Variants in PDCD6IP observed in about 807,000 individuals in gnomAD.
PDCD6IP encodes programmed cell death 6-interacting protein.
PDCD6IP carries 43 observed loss-of-function variants against 103.7 expected under a neutral mutation model. The observed-to-expected ratio is 0.41, with a 90% CI of 0.32 to 0.53. The LOEUF is 0.53. Ranked by LOEUF, PDCD6IP falls within the 20% of genes least tolerant of loss-of-function variation. The probability of loss-of-function intolerance (pLI) is 0.16; values close to 1 mark genes in which losing one functional copy is unlikely to be tolerated. For synonymous variants in PDCD6IP, 354 were observed against 378.7 expected (o/e 0.93, Z 0.76); for missense variants, 871 against 1,036.7 (o/e 0.84, Z 2.20).
intron 12 of PDCD6IP, among the ~76,000 whole-genome samples, chr3:33,847,816 C>T (rs1407321433): frequency 6.6e-6 from 1 of 152,134 alleles, no homozygotes; most frequent in African/African-American, 2.4e-5. Flanking sequence ...CTATGATGTA[C>T]TGTGGCCTGA....
Position 33,867,418 on chromosome 3 carries a change from T to G in PDCD6IP, c.*893T>G, listed in dbSNP as rs1450468561. On this transcript the variant is annotated 3_prime_UTR_variant, in exon 18 of 18. Transcript: ENST00000307296. ...ATACGCCATTGGCAATACTTCATAA[T>G]GTAATGGAATTGTTTGGGGAACACT... The G allele has an allele frequency of 6.6e-6, 1 of 152,204 alleles. No individual in the cohort carries two copies. The highest frequency in any genetic ancestry group is 1.5e-5 in the Non-Finnish European group (1 of 68,028). The allele number at this position is 152,204 out of a possible 1,614,324, so 9.4% of individuals were successfully genotyped here. A position where few individuals can be genotyped will look rare whatever the true frequency, so the allele number is the denominator to read the frequency against.
intron 12 of PDCD6IP, among the ~76,000 whole-genome samples, chr3:33,851,652 A>G (rs554381503): frequency 2.2e-4 from 34 of 151,384 alleles, no homozygotes; most frequent in East Asian, 9.8e-4. Flanking sequence ...TTTTTTTTCA[A>G]TGTAGAAATG....
intron 8 of PDCD6IP, among the ~76,000 whole-genome samples, chr3:33,836,482 A>C (rs1160933119): frequency 1.3e-5 from 2 of 152,216 alleles, no homozygotes; most frequent in African/African-American, 4.8e-5. Flanking sequence ...TAGTTAGAAG[A>C]CTTGAAACTG....
chr3:33,852,856 A>G, intron 13 of PDCD6IP, 120 bp downstream of exon 13: 1 of 1,201,814 alleles, frequency 8.3e-7, no homozygotes, highest in Non-Finnish European at 1.1e-6. Flanking sequence ...TAAGAGTAGA[A>G]CTTAATACAT....
At position 33,852,747 on chromosome 3, in the gene PDCD6IP, T is replaced by C. The variant is rs780093888; in HGVS notation, c.1890+11T>C. On this transcript the variant is annotated intron_variant, in intron 13 of 17. Coordinates refer to ENST00000307296, the MANE Select transcript of PDCD6IP (RefSeq NM_013374.6). ...CTTAAAAATATTCAGGTGAAATTTA[T>C]ATATTTAATAAGATCTGTGTTTTAA... The C allele has an allele frequency of 6.3e-7, 1 of 1,578,140 alleles. No homozygotes were observed. Among genetic ancestry groups the C allele is most frequent in the South Asian group, 1.2e-5 (1 of 83,838 alleles).
chr3:33,799,932 A>G (rs1398488950), intron 1 of PDCD6IP, among the ~76,000 whole-genome samples: 1 of 151,986 alleles, frequency 6.6e-6, no homozygotes, highest in Non-Finnish European at 1.5e-5. Context: ...CATCCTGGCT[A>G]GCACGGTGAA....
chr3:33,799,856 C>A (rs935852003), intron 1 of PDCD6IP, among the ~76,000 whole-genome samples: 1 of 151,918 alleles, frequency 6.6e-6, no homozygotes, highest in Non-Finnish European at 1.5e-5. Flanking sequence ...CGCGGTGGCT[C>A]ACGCCTGTAA....
chr3:33,866,635 C>CCTG lies in PDCD6IP; in HGVS notation c.*110_*111insCTG. 1.2e-6 allele frequency: 1 copy of CCTG among 806,214 alleles called. No homozygotes were observed. 49.9% of individuals were successfully genotyped at this position (806,214 alleles called of 1,614,324 possible). On this transcript the variant is annotated 3_prime_UTR_variant, in exon 18 of 18. Coordinates refer to ENST00000307296, the MANE Select transcript of PDCD6IP (RefSeq NM_013374.6). ...GGTTAATGTAATGTACTCTCCTGGA[C>CCTG]TGAATGCAGTGTATAATTTCTGTCT...
chr3:33,799,105 C>G (rs1696407531), intron 1 of PDCD6IP, 168 bp downstream of exon 1: 1 of 663,398 alleles, frequency 1.5e-6, no homozygotes, highest in African/African-American at 1.8e-5. Flanking sequence ...GCAGGACCCG[C>G]CCTGCAGGCC....
chr3:33,841,206 T>G (rs1005242794), intron 9 of PDCD6IP, among the ~76,000 whole-genome samples: 2 of 151,714 alleles, frequency 1.3e-5, no homozygotes, highest in African/African-American at 2.4e-5. Context: ...TTTTGTACTT[T>G]TAGTAGAGAT....
In PDCD6IP at chr3:33,846,638, A is replaced by C. The variant is rs190404819; in HGVS notation, c.1641+1050A>C. 6.0e-3 allele frequency among the ~76,000 whole-genome samples: 908 copies of C among 152,320 alleles called. 12 individuals are homozygous for C. Among genetic ancestry groups the C allele is most frequent in the African/African-American group, 0.02 (833 of 41,574 alleles). On this transcript the variant is annotated intron_variant, in intron 12 of 17. Coordinates refer to ENST00000307296, the MANE Select transcript of PDCD6IP (RefSeq NM_013374.6). Reference sequence around the variant, plus strand: ...TATGAGAACAGAGTGGATAGGCAGAAAAAGTAAACGTGTAGGATCGGAGAA... The same window carrying C: ...TATGAGAACAGAGTGGATAGGCAGACAAAGTAAACGTGTAGGATCGGAGAA...
chr3:33,838,541 G>A (rs1320029709), intron 9 of PDCD6IP, among the ~76,000 whole-genome samples: 1 of 151,206 alleles, frequency 6.6e-6, no homozygotes, highest in Non-Finnish European at 1.5e-5. Flanking sequence ...GAGGATATGA[G>A]GACTAAAAAT....
chr3:33,860,318 G>A (rs1697924877), intron 15 of PDCD6IP, among the ~76,000 whole-genome samples: 2 of 152,160 alleles, frequency 1.3e-5, no homozygotes, highest in African/African-American at 4.8e-5. Flanking sequence ...AATAATATTA[G>A]CTTTTGAATA....
intron 6 of PDCD6IP, chr3:33,827,132 G>A (rs1559782319): frequency 1.0e-6 from 1 of 985,178 alleles, no homozygotes; most frequent in African/African-American, 1.7e-5. Context: ...ACATATCACA[G>A]GAAGTATAAT....
intron 9 of PDCD6IP, among the ~76,000 whole-genome samples, chr3:33,839,128 G>A (rs1315548322): frequency 6.6e-6 from 1 of 152,106 alleles, no homozygotes; most frequent in African/African-American, 2.4e-5. Flanking sequence ...TTTGATAAAT[G>A]TATGTACCCA....
rs771402819 is a variant in PDCD6IP at position 33,863,989 on chromosome 3, A to G, written c.2121-17A>G. 6.4e-7 allele frequency: 1 copy of G among 1,568,294 alleles called. No individual in the cohort carries two copies. The highest frequency in any genetic ancestry group is 8.8e-7 in the Non-Finnish European group (1 of 1,141,494). On this transcript the variant is annotated splice_polypyrimidine_tract_variant and intron_variant, in intron 15 of 17. Coordinates refer to ENST00000307296, the MANE Select transcript of PDCD6IP (RefSeq NM_013374.6). The stretch of plus-strand genomic sequence containing the variant: ...TTTTTCTATCATGTTAATTTTTAAC[A>G]CTCTGTCTTTGATAAGGGACTTGCA...
At chr3:33,861,614 C>T (rs146688211) in intron 15 of PDCD6IP, among the ~76,000 whole-genome samples, 62 of 152,282 alleles carry the variant, frequency 4.1e-4, no homozygotes, top group East Asian at 1.3e-3. Context: ...TGTGTATGCT[C>T]AGTTGATATT....
intron 8 of PDCD6IP, among the ~76,000 whole-genome samples, chr3:33,837,551 G>A (rs1697376965): frequency 6.6e-6 from 1 of 151,836 alleles, no homozygotes; most frequent in South Asian, 2.1e-4. Flanking sequence ...AAGTGTTGGA[G>A]CCAGAAATGG....
rs756228998 is a variant in PDCD6IP, at chr3:33,865,436, G to C, written c.2432+6G>C. On this transcript the variant is annotated splice_donor_region_variant and intron_variant, in intron 17 of 17. Transcript: ENST00000307296. Reference sequence around the variant, plus strand: ...ACCTATCCAGGATATCCTGGGTAAGGCTGCAACATTGTGTATCCCAAGTTG... The same window carrying C: ...ACCTATCCAGGATATCCTGGGTAAGCCTGCAACATTGTGTATCCCAAGTTG... 5 of 1,573,116 alleles carry C rather than the reference G, an allele frequency of 3.2e-6. No homozygotes were observed. The African/African-American group carries it at 5.6e-5, about 17-fold the overall frequency.
Sources: allele counts gnomAD v4.1 joint callset (sites outside exome capture counted in the v4.1 genomes callset), GRCh38; gene constraint gnomAD v4.1.1; transcripts MANE v1.5; gene names NCBI Gene and HGNC (gene_info 2026-07-23, HGNC 2026-07-21).